The following DIXDC1 variants were observed in gnomAD, a reference collection of about 807,000 sequenced individuals.
DIXDC1 encodes DIX domain containing 1.
Under a neutral mutation model 103.1 loss-of-function variants are expected in DIXDC1, and 64 were observed. The ratio of observed to expected loss-of-function variants is 0.62; its 90% CI spans 0.51 to 0.76. The LOEUF is 0.76. DIXDC1 is among the 30% of genes least tolerant of loss of function. The pLI, the probability that DIXDC1 is intolerant of heterozygous loss-of-function variation, is 0.00. For synonymous variants in DIXDC1, 266 were observed against 298.5 expected, an observed-to-expected ratio of 0.89 and a Z score of 1.12; for missense variants, 759 against 834.2, an observed-to-expected ratio of 0.91 and a Z score of 1.11.
chr11:111,975,930 C>A, intron 5 of DIXDC1: 1 of 940,784 alleles, frequency 1.1e-6, no homozygotes, highest in Non-Finnish European at 1.3e-6. Context: ...CATTTAATAG[C>A]TGTGCTCTTT....
chr11:111,994,480 T>C (rs1196756508), intron 14 of DIXDC1, among the ~76,000 whole-genome samples: 1 of 151,436 alleles, frequency 6.6e-6, no homozygotes, highest in Non-Finnish European at 1.5e-5. Flanking sequence ...TATATACATA[T>C]ATATACACAC....
Position 111,964,482 on chromosome 11 carries a change from G to C in DIXDC1, c.61-67G>C, listed in dbSNP as rs1035921042. On this transcript the variant is annotated intron_variant, in intron 1 of 19. Coordinates refer to ENST00000440460, the MANE Select transcript of DIXDC1 (RefSeq NM_001037954.4). ...TACCCCAGTCACAAACGCTTCCTCA[G>C]AGGGTATGAGGTAAGGGTTGAGATT... 19 of 1,532,472 alleles carry C rather than the reference G, an allele frequency of 1.2e-5. No individual in the cohort carries two copies. The South Asian group carries it at 1.6e-4, about 13-fold the overall frequency. 94.9% of individuals were successfully genotyped at this position (1,532,472 alleles called of 1,614,324 possible).
rs1555175674 is a variant in DIXDC1 at position 111,998,752 on chromosome 11, T to A, written c.1756+2606T>A. 6.6e-6 allele frequency among the ~76,000 whole-genome samples: 1 copy of A among 152,182 alleles called. No individual in the cohort carries two copies. Among genetic ancestry groups the A allele is most frequent in the Non-Finnish European group, 1.5e-5 (1 of 68,024 alleles). ...TTTCACTGTGTTGCCCAGGCTGGTC[T>A]TGAACTCTTGAGCTCAGGCAATCCA... On this transcript the variant is annotated intron_variant, in intron 17 of 19. Transcript: ENST00000440460. The surrounding 1 kb of genome is among the most constrained non-coding windows in gnomAD (Gnocchi z 4.1).
chr11:111,976,068 T>C lies in DIXDC1; in HGVS notation c.656+1085T>C, dbSNP rs587705382. 1 of 320,178 alleles carries C rather than the reference T, an allele frequency of 3.1e-6. No individual in the cohort carries two copies. Among genetic ancestry groups the C allele is most frequent in the Non-Finnish European group, 4.5e-6 (1 of 221,834 alleles). 19.8% of individuals were successfully genotyped at this position (320,178 alleles called of 1,614,324 possible). ...TCTATCCACTCAGAAGACATCTTCA[T>C]CACCCCAAAAGGAAGCCCTGCGCCC... is the stretch of plus-strand genomic sequence containing the variant. On this transcript the variant is annotated intron_variant, in intron 5 of 19. Transcript: ENST00000440460. This position sits in a 1 kb window ranked among gnomAD's most constrained non-coding sequence, Gnocchi z 4.3.
At chr11:112,000,095 A>G (rs1861020744) in intron 17 of DIXDC1, among the ~76,000 whole-genome samples, 1 of 152,300 alleles carries the variant, frequency 6.6e-6, no homozygotes. Flanking sequence ...AGATTGCGCC[A>G]CTGCACTCCA....
intron 1 of DIXDC1, among the ~76,000 whole-genome samples, chr11:111,948,476 A>T (rs1327271924): frequency 1.3e-5 from 2 of 151,646 alleles, no homozygotes; most frequent in Non-Finnish European, 2.9e-5. Flanking sequence ...TCCTCTGATG[A>T]TTTTCAGTCC....
At position 111,977,758 on chromosome 11, in the gene DIXDC1, A is replaced by T; in HGVS notation, c.656+2775A>T. On this transcript the variant is annotated intron_variant, in intron 5 of 19. Coordinates refer to ENST00000440460, the MANE Select transcript of DIXDC1 (RefSeq NM_001037954.4). This position sits in a 1 kb window ranked among gnomAD's most constrained non-coding sequence, Gnocchi z 6.1. ...GGACGCAGGCTTGCTGAAGCCCGAG[A>T]CAGGAGGGGGACCATGGGAGGGACG... 6.4e-7 allele frequency: 1 copy of T among 1,565,786 alleles called. No individual in the cohort carries two copies. Among genetic ancestry groups the T allele is most frequent in the Non-Finnish European group, 8.7e-7 (1 of 1,155,640 alleles).
chr11:111,933,287 C>G (rs1372318763), upstream of DIXDC1, among the ~76,000 whole-genome samples: 1 of 152,150 alleles, frequency 6.6e-6, no homozygotes, highest in Non-Finnish European at 1.5e-5. Flanking sequence ...CGCCACCATG[C>G]TCGGCTAATT....
At chr11:112,004,025 ATT>A (rs1491246262) in intron 17 of DIXDC1, among the ~76,000 whole-genome samples, 7 of 71,292 alleles carry the variant, frequency 9.8e-5, no homozygotes, top group African/African-American at 3.2e-4. Flanking sequence ...AAAAAAAAAA[ATT>A]ATATATATAT....
intron 1 of DIXDC1, among the ~76,000 whole-genome samples, chr11:111,944,173 A>T (rs1231172090): frequency 6.6e-6 from 1 of 152,218 alleles, no homozygotes; most frequent in Non-Finnish European, 1.5e-5. Context: ...GGAGGGTCTC[A>T]GAGTTCTAAA....
At chr11:111,964,493 G>A (rs1859664868) in intron 1 of DIXDC1, 56 bp from the exon 2 acceptor site, 1 of 1,550,386 alleles carries the variant, frequency 6.5e-7, no homozygotes, top group Admixed American at 2.0e-5. Context: ...AGGGTATGAG[G>A]TAAGGGTTGA....
Position 111,995,046 on chromosome 11 carries a change from C to T in DIXDC1, c.1465C>T (p.Gln489Ter), listed in dbSNP as rs782540144. ...EATNYNSHNS[Q>*]SNGFLLPTAG... ...GACCAACTACAACAGTCACAACTCT[C>T]AAAGCAATGGTTTTCTCCTTCCAAC... The change falls in exon 15 of 20, where the codon CAA becomes TAA. Residue 489 changes from glutamine (Q) to a stop codon, truncating the protein, a stop_gained. Coordinates refer to ENST00000440460, the MANE Select transcript of DIXDC1 (RefSeq NM_001037954.4). LOFTEE classifies it high-confidence loss of function. 2 of 1,613,702 alleles carry T rather than the reference C, an allele frequency of 1.2e-6. No homozygotes were observed. Among genetic ancestry groups the T allele is most frequent in the African/African-American group, 2.7e-5 (2 of 74,930 alleles).
chr11:111,984,806 C>G (rs1860436320), intron 7 of DIXDC1, among the ~76,000 whole-genome samples: 1 of 152,064 alleles, frequency 6.6e-6, no homozygotes, highest in Admixed American at 6.6e-5. Context: ...TCAAACAAAC[C>G]CAAGTGAGTG....
chr11:112,007,757 T>C (rs1455427619), intron 17 of DIXDC1, among the ~76,000 whole-genome samples: 1 of 152,146 alleles, frequency 6.6e-6, no homozygotes. Flanking sequence ...AAGCAAATGC[T>C]AAGAGATTCT....
chr11:111,996,438 A>G (rs922530755), intron 17 of DIXDC1: 1 of 238,734 alleles, frequency 4.2e-6, no homozygotes, highest in South Asian at 8.7e-5. Flanking sequence ...AAAGCAAAAT[A>G]TAAAACAACA....
intron 3 of DIXDC1, among the ~76,000 whole-genome samples, chr11:111,969,022 C>G (rs1309086088): frequency 6.6e-6 from 1 of 151,976 alleles, no homozygotes; most frequent in African/African-American, 2.4e-5. Context: ...GATCTACCCG[C>G]CTCGCCTTGG....
Position 111,992,468 on chromosome 11 carries a change from A to G in DIXDC1, c.1167A>G (p.Lys389=), listed in dbSNP as rs782500722. ...TQQDTSVLQL[K]QELLRANMDK... ...AGGACACATCTGTTCTTCAGCTCAAACAAGAGCTACTGAGGGCAAATATGG... is the reference window on the plus strand; with the variant it reads ...AGGACACATCTGTTCTTCAGCTCAAGCAAGAGCTACTGAGGGCAAATATGG... The change falls in exon 11 of 20, where the codon AAA becomes AAG. Residue 389 remains lysine, a synonymous_variant. Coordinates refer to ENST00000440460, the MANE Select transcript of DIXDC1 (RefSeq NM_001037954.4). The G allele has an allele frequency of 1.9e-6, 3 of 1,582,680 alleles. No homozygotes were observed. Among genetic ancestry groups the G allele is most frequent in the Admixed American group, 3.6e-5 (2 of 55,264 alleles).
In DIXDC1 at chr11:111,955,987, T is replaced by TACACACACACACACAC. The variant is rs71461600; in HGVS notation, c.61-8541_61-8526dup. Among the ~76,000 whole-genome samples the TACACACACACACACAC allele has an allele frequency of 7.9e-4, 113 of 142,620 alleles. 1 individual carries two copies. Among genetic ancestry groups the TACACACACACACACAC allele is most frequent in the African/African-American group, 2.7e-3 (105 of 38,454 alleles). 93.6% of individuals were successfully genotyped at this position (142,620 alleles called of 152,430 possible). ...AAAATGTGGTGCATATATATATGTG[T>TACACACACACACACAC]ACACACACACACACACACACACACA... On this transcript the variant is annotated intron_variant, in intron 1 of 19. Transcript: ENST00000440460.
At chr11:111,964,821 A>T in intron 2 of DIXDC1, 143 bp downstream of exon 2, 1 of 1,043,938 alleles carries the variant, frequency 9.6e-7, no homozygotes, top group Non-Finnish European at 1.3e-6. Flanking sequence ...TACTTGCCCA[A>T]GGTTAATTCA....
Sources: gnomAD v4.1 joint callset for allele counts (sites outside exome capture counted in the v4.1 genomes callset) on GRCh38, gnomAD v4.1.1 for gene constraint, Gnocchi (gnomAD v3.1) non-coding constraint, MANE v1.5 for transcripts, NCBI Gene and HGNC (gene_info 2026-07-23, HGNC 2026-07-21) for gene names.